The following ADGRE3 variants were observed in gnomAD, a reference collection of about 807,000 sequenced individuals.
ADGRE3 encodes the protein EGF-like module receptor 3.
ADGRE3 carries 88 observed loss-of-function variants against 80.1 expected under a neutral mutation model. The ratio of observed to expected loss-of-function variants is 1.10; its 90% CI spans 0.93 to 1.31. ADGRE3 has a LOEUF of 1.31. Among genes scored for constraint, ADGRE3 ranks in the 40% most tolerant of loss-of-function variants. ADGRE3 has a pLI of 0.00. For synonymous variants in ADGRE3, 281 were observed against 294.8 expected (o/e 0.95, Z 0.48); for missense variants, 715 against 776.5 (o/e 0.92, Z 0.94).
Position 14,665,936 on chromosome 19 carries a change from G to GTATATATATA in ADGRE3, c.77-2406_77-2397dup, listed in dbSNP as rs71309616. ...ATATATTGCATATACACACATATGT[G>GTATATATATA]TATATATATATATATATATATATAT... On this transcript the variant is annotated intron_variant, in intron 2 of 15. Transcript: ENST00000253673. Among the ~76,000 whole-genome samples, 75 of 42,090 alleles carry GTATATATATA rather than the reference G, an allele frequency of 1.8e-3. 2 individuals are homozygous for GTATATATATA. Among genetic ancestry groups the GTATATATATA allele is most frequent in the Admixed American group, 2.6e-3 (8 of 3,088 alleles). 27.6% of individuals were successfully genotyped at this position (42,090 alleles called of 152,430 possible).
Position 14,663,632 on chromosome 19 carries a change from A to T in ADGRE3, c.77-92T>A, listed in dbSNP as rs1158819175. 6 of 1,441,606 alleles carry T rather than the reference A, an allele frequency of 4.2e-6. No individual in the cohort carries two copies. The Admixed American group carries it at 7.7e-5, about 19-fold the overall frequency. The allele number at this position is 1,441,606 out of a possible 1,614,324, so 89.3% of individuals were successfully genotyped here. Reference sequence around the variant, plus strand: ...TGCCTCTTGATCACCTGAGGTCAGGAGTTCAAGAGCAGCCTGGCCAACATA... The same window carrying T: ...TGCCTCTTGATCACCTGAGGTCAGGTGTTCAAGAGCAGCCTGGCCAACATA... On this transcript the variant is annotated intron_variant, in intron 2 of 15. Transcript: ENST00000253673.
At chr19:14,637,632 C>A (rs1196090248) in intron 11 of ADGRE3, among the ~76,000 whole-genome samples, 1 of 151,626 alleles carries the variant, frequency 6.6e-6, no homozygotes, top group Non-Finnish European at 1.5e-5. Context: ...AAGTTGTGAA[C>A]TCAAGTGATC....
At chr19:14,663,397 A>T (rs773303314) in intron 3 of ADGRE3, 21 bp downstream of exon 3, 48 of 1,411,028 alleles carry the variant, frequency 3.4e-5, no homozygotes, top group Non-Finnish European at 4.2e-5. Context: ...ATAATAATAA[A>T]AAATAATAAT....
At chr19:14,601,739 C>T in the ADGRE3 span, among the ~76,000 whole-genome samples, 1 of 152,172 alleles carries the variant, frequency 6.6e-6, no homozygotes, top group Non-Finnish European at 1.5e-5. Flanking sequence ...TCGCCTCACC[C>T]TCCTGAGTAG....
intron 2 of ADGRE3, among the ~76,000 whole-genome samples, chr19:14,666,075 T>A (rs1972099653): frequency 6.7e-6 from 1 of 148,842 alleles, no homozygotes; most frequent in Non-Finnish European, 1.5e-5. Context: ...CTTGTGCAAG[T>A]ATGTTTTTTG....
At chr19:14,657,752 TG>T (rs879523006) in intron 5 of ADGRE3, among the ~76,000 whole-genome samples, 3,642 of 144,788 alleles carry the variant, frequency 0.025, 124 homozygotes, top group African/African-American at 0.085. Context: ...TATATTTTTT[TG>T]TTTGTTTGTT....
intron 15 of ADGRE3, among the ~76,000 whole-genome samples, chr19:14,623,762 C>T (rs1181193399): frequency 6.6e-6 from 1 of 152,162 alleles, no homozygotes; most frequent in African/African-American, 2.4e-5. Flanking sequence ...AAATTTCCCC[C>T]AGTGAGAGTC....
In ADGRE3 at chr19:14,665,978, A is replaced by ATATATATATATATG. The variant is rs1568500899; in HGVS notation, c.77-2439_77-2438insCATATATATATATA. On this transcript the variant is annotated intron_variant, in intron 2 of 15. Coordinates refer to ENST00000253673, the MANE Select transcript of ADGRE3 (RefSeq NM_032571.5). ...TATATATATATATATATATATATAT[A>ATATATATATATATG]GTGTTTTCTTTATCCACGTGTTGAT... is the stretch of plus-strand genomic sequence containing the variant. Among the ~76,000 whole-genome samples, 131 of 128,238 alleles carry ATATATATATATATG rather than the reference A, an allele frequency of 1.0e-3. 3 individuals carry two copies. Among genetic ancestry groups the ATATATATATATATG allele is most frequent in the African/African-American group, 3.5e-3 (119 of 34,426 alleles). 84.1% of individuals were successfully genotyped at this position (128,238 alleles called of 152,430 possible). A position where few individuals can be genotyped will look rare whatever the true frequency, so the allele number is the denominator to read the frequency against.
downstream of ADGRE3, among the ~76,000 whole-genome samples, chr19:14,617,344 T>TC (rs774654059): frequency 0.016 from 778 of 49,198 alleles, 7 homozygotes; most frequent in African/African-American, 0.024. Context: ...CTCCCTCCCT[T>TC]TCTTTCTTTC....
intron 4 of ADGRE3, among the ~76,000 whole-genome samples, chr19:14,661,432 G>A (rs1971941845): frequency 6.6e-6 from 1 of 152,118 alleles, no homozygotes. Context: ...GCATGGCTAC[G>A]CATCGTTTTC....
intron 11 of ADGRE3, among the ~76,000 whole-genome samples, chr19:14,637,417 A>G (rs946955803): frequency 5.5e-5 from 8 of 146,394 alleles, no homozygotes; most frequent in African/African-American, 2.0e-4. Context: ...TTTTTGAGAC[A>G]AGGTCTTGAT....
At chr19:14,631,682 T>TTA (rs757324855) in intron 13 of ADGRE3, among the ~76,000 whole-genome samples, 2 of 151,998 alleles carry the variant, frequency 1.3e-5, no homozygotes, top group Non-Finnish European at 2.9e-5. Context: ...CATATATACA[T>TTA]TATATATATC....
At chr19:14,624,225 G>T (rs1378855048) in intron 15 of ADGRE3, among the ~76,000 whole-genome samples, 1 of 152,042 alleles carries the variant, frequency 6.6e-6, no homozygotes, top group African/African-American at 2.4e-5. Context: ...CTCCCGAGTA[G>T]CTGGGATTAC....
intron 10 of ADGRE3, 116 bp downstream of exon 10, chr19:14,641,303 T>C (rs1390509463): frequency 7.8e-7 from 1 of 1,278,150 alleles, no homozygotes; most frequent in Non-Finnish European, 1.1e-6. Context: ...GGGAAAATTA[T>C]ATTTTTCTCC....
chr19:14,630,373 T>C (rs1317726565), intron 13 of ADGRE3, among the ~76,000 whole-genome samples, 166 bp from the exon 14 acceptor site: 3 of 151,250 alleles, frequency 2.0e-5, no homozygotes, highest in Non-Finnish European at 2.9e-5. Context: ...CTTTACCTTC[T>C]TGCAACTCAG....
chr19:14,667,284 G>A lies in ADGRE3; in HGVS notation c.76+1518C>T, dbSNP rs183114188. Among the ~76,000 whole-genome samples the A allele has an allele frequency of 3.6e-3, 548 of 151,998 alleles. 1 individual carries two copies. Among genetic ancestry groups the A allele is most frequent in the Non-Finnish European group, 3.8e-3 (256 of 67,988 alleles). On this transcript the variant is annotated intron_variant, in intron 2 of 15. Coordinates refer to ENST00000253673, the MANE Select transcript of ADGRE3 (RefSeq NM_032571.5). ...ATACCCTTCCATCCTTCCTGTGAAT[G>A]GGCCAGTAAAATCTACCTTGCTCAT... is the stretch of plus-strand genomic sequence containing the variant.
intron 7 of ADGRE3, among the ~76,000 whole-genome samples, chr19:14,647,913 C>G (rs1772876825): frequency 6.6e-6 from 1 of 151,348 alleles, no homozygotes; most frequent in Non-Finnish European, 1.5e-5. Flanking sequence ...GAAACCCTGT[C>G]TCTACTAAAA....
Position 14,638,125 on chromosome 19 carries a change from G to C in ADGRE3, c.1464C>G (p.His488Gln), listed in dbSNP as rs371645604. Residue 488 changes from histidine (H) to glutamine (Q), a missense_variant, in exon 11 of 16, where the codon CAC (histidine) becomes CAG (glutamine). His to Gln is a conservative substitution (Grantham distance 24). Transcript: ENST00000253673. ...TVAISAASWP[H>Q]LYGTADRCWL... is the part of the protein sequence containing the mutation. ...CTCACCGATCAGCAGTTCCATAAAG[G>C]TGAGGCCAGGAGGCTGCAGAAATGG... 112 of 1,613,842 alleles carry C rather than the reference G, an allele frequency of 6.9e-5. No individual in the cohort carries two copies. Among genetic ancestry groups the C allele is most frequent in the Non-Finnish European group, 9.1e-5 (107 of 1,179,848 alleles).
chr19:14,663,572 C>T, intron 2 of ADGRE3, 32 bp from the exon 3 acceptor site: 1 of 1,600,052 alleles, frequency 6.2e-7, no homozygotes, highest in Non-Finnish European at 8.5e-7. Context: ...GTTAAATGGA[C>T]TGGGGTCACA....
Sources: gnomAD v4.1 joint callset for allele counts (sites outside exome capture counted in the v4.1 genomes callset) on GRCh38, gnomAD v4.1.1 for gene constraint, MANE v1.5 for transcripts, NCBI Gene and HGNC (gene_info 2026-07-23, HGNC 2026-07-21) for gene names.